The following ZNF766 variants were observed in gnomAD, a reference collection of about 807,000 sequenced individuals.
The protein encoded by ZNF766 is zinc finger protein 766.
ZNF766 carries 13 observed loss-of-function variants against 13.2 expected under a neutral mutation model. That is an observed-to-expected ratio of 0.98 (90% CI 0.64 to 1.56). ZNF766 has a LOEUF of 1.56. Among genes scored for constraint, ZNF766 ranks in the 40% most tolerant of loss-of-function variants. The probability of loss-of-function intolerance (pLI) is 0.00; values close to 1 mark genes in which losing one functional copy is unlikely to be tolerated. For synonymous variants in ZNF766, 178 were observed against 187.6 expected (o/e 0.95, Z 0.42); for missense variants, 521 against 552.2 (o/e 0.94, Z 0.57).
chr19:52,286,260 A>G (rs1425502938), intron 3 of ZNF766, among the ~76,000 whole-genome samples: 2 of 149,280 alleles, frequency 1.3e-5, no homozygotes, highest in Non-Finnish European at 3.0e-5. Context: ...GGCTTTTTAT[A>G]TATGGACTCT....
chr19:52,269,907 C>G (rs1980900131), intron 1 of ZNF766, among the ~76,000 whole-genome samples: 1 of 152,208 alleles, frequency 6.6e-6, no homozygotes, highest in Non-Finnish European at 1.5e-5. Flanking sequence ...ACGTAAAGTC[C>G]CCGCCTGCGA....
At chr19:52,278,091 G>A (rs2122470765) in intron 1 of ZNF766, among the ~76,000 whole-genome samples, 1 of 150,772 alleles carries the variant, frequency 6.6e-6, no homozygotes, top group Non-Finnish European at 1.5e-5. Context: ...TCCCACCTCA[G>A]CCTCTTGAGT....
intron 1 of ZNF766, among the ~76,000 whole-genome samples, chr19:52,274,009 C>T (rs1360320521): frequency 2.0e-5 from 3 of 152,200 alleles, no homozygotes; most frequent in Non-Finnish European, 4.4e-5. Context: ...GTTCCAGTTA[C>T]TCATGGTCAA....
chr19:52,290,038 A>C (rs1208707888), intron 3 of ZNF766, 28 bp from the exon 4 acceptor site: 1 of 1,562,382 alleles, frequency 6.4e-7, no homozygotes, highest in East Asian at 2.2e-5. Flanking sequence ...CCATGGGTTC[A>C]AATTATACTC....
rs867661123 is a variant in ZNF766 at position 52,295,095 on chromosome 19, G to T, written c.*3897G>T. 1 of 150,968 alleles carries T rather than the reference G, an allele frequency of 6.6e-6. No homozygotes were observed. The highest frequency in any genetic ancestry group is 2.1e-4 in the South Asian group (1 of 4,798). 9.4% of individuals were successfully genotyped at this position (150,968 alleles called of 1,614,324 possible). On this transcript the variant is annotated 3_prime_UTR_variant, in exon 4 of 4. Coordinates refer to ENST00000439461, the MANE Select transcript of ZNF766 (RefSeq NM_001010851.3). ...TTCAACTCTAATAAAATTATATTTT[G>T]TGTTTATATATGCACGTATAGACAC...
At chr19:52,279,232 T>C (rs1981362610) in intron 1 of ZNF766, among the ~76,000 whole-genome samples, 1 of 152,240 alleles carries the variant, frequency 6.6e-6, no homozygotes, top group Non-Finnish European at 1.5e-5. Context: ...CATTGGTCTT[T>C]GTGCCTGTTT....
intron 3 of ZNF766, chr19:52,285,052 C>T (rs1057385515): frequency 2.0e-5 from 3 of 152,048 alleles, no homozygotes; most frequent in African/African-American, 7.2e-5. Context: ...CTAACCATGG[C>T]CTGGTCTTTC....
At chr19:52,271,742 T>G (rs2122457506) in intron 1 of ZNF766, among the ~76,000 whole-genome samples, 1 of 152,276 alleles carries the variant, frequency 6.6e-6, no homozygotes, top group East Asian at 1.9e-4. Flanking sequence ...GGTGGATCAC[T>G]TATGGCCAGG....
At chr19:52,271,678 G>C (rs898746306) in intron 1 of ZNF766, among the ~76,000 whole-genome samples, 1 of 152,198 alleles carries the variant, frequency 6.6e-6, no homozygotes, top group African/African-American at 2.4e-5. Context: ...CAGACACACT[G>C]GCTGGGTGCG....
chr19:52,279,977 G>T (rs1981413054), intron 1 of ZNF766, among the ~76,000 whole-genome samples: 1 of 151,616 alleles, frequency 6.6e-6, no homozygotes, highest in Non-Finnish European at 1.5e-5. Context: ...TGCATTTTTA[G>T]CAGAGACGGG....
chr19:52,283,236 G>A (rs1350712254), intron 2 of ZNF766, 49 bp from the exon 3 acceptor site: 2 of 1,578,176 alleles, frequency 1.3e-6, no homozygotes, highest in South Asian at 2.3e-5. Flanking sequence ...CAGAGGGCTT[G>A]GATTTTGGAG....
At chr19:52,276,329 T>G (rs1485074039) in intron 1 of ZNF766, among the ~76,000 whole-genome samples, 2 of 152,226 alleles carry the variant, frequency 1.3e-5, no homozygotes, top group East Asian at 3.8e-4. Flanking sequence ...CTTGTTATAC[T>G]GGGTTGTTTT....
chr19:52,282,735 A>G (rs1339498727), intron 2 of ZNF766, among the ~76,000 whole-genome samples: 1 of 152,154 alleles, frequency 6.6e-6, no homozygotes, highest in Non-Finnish European at 1.5e-5. Context: ...ATCCTTCATG[A>G]TACACCTTTG....
At position 52,269,618 on chromosome 19, in the gene ZNF766, C is replaced by T. The variant is rs774939513; in HGVS notation, c.5C>T (p.Ala2Val). ...GGAAGTGGATGGCGTGGAGATATGG[C>T]GCAACTGCGGCGCGTGAGTTTTCCT... Reference protein sequence around the residue: MAQLRRGHLTFR... With the variant: MVQLRRGHLTFR... Residue 2 changes from alanine (A) to valine (V), a missense_variant, in exon 1 of 4, where the codon GCG (alanine) becomes GTG (valine). Coordinates refer to ENST00000439461, the MANE Select transcript of ZNF766 (RefSeq NM_001010851.3). 7 of 1,612,568 alleles carry T rather than the reference C, an allele frequency of 4.3e-6. No homozygotes were observed. Among genetic ancestry groups the T allele is most frequent in the South Asian group, 1.1e-5 (1 of 91,022 alleles).
Position 52,292,389 on chromosome 19 carries a change from T to C in ZNF766, c.*1191T>C, listed in dbSNP as rs1362254489. 1.9e-6 allele frequency: 1 copy of C among 538,972 alleles called. No individual in the cohort carries two copies. Among genetic ancestry groups the C allele is most frequent in the Non-Finnish European group, 3.3e-6 (1 of 304,282 alleles). 33.4% of individuals were successfully genotyped at this position (538,972 alleles called of 1,614,324 possible). ...GCACAGTGCTGCTGTGCTCTACAAA[T>C]GACCATGAAATAGAGCACGCCATGA... On this transcript the variant is annotated 3_prime_UTR_variant, in exon 4 of 4. Transcript: ENST00000439461.
In ZNF766 at chr19:52,293,173, C is replaced by CTTTTTTTTTTTTTTTTT. The variant is rs71180433; in HGVS notation, c.*1977_*1993dup. ...TCCTTTTTATGGCTGCATAGTATTCCTTTTTTTTTTTTTTTTTTGAGATGA... is the reference window on the plus strand; with the variant it reads ...TCCTTTTTATGGCTGCATAGTATTCCTTTTTTTTTTTTTTTTTTTTTTTTTTTTTTTTTTTGAGATGA... On this transcript the variant is annotated 3_prime_UTR_variant, in exon 4 of 4. Coordinates refer to ENST00000439461, the MANE Select transcript of ZNF766 (RefSeq NM_001010851.3). 7.7e-6 allele frequency: 1 copy of CTTTTTTTTTTTTTTTTT among 130,360 alleles called. No individual in the cohort carries two copies. The allele number at this position is 130,360 out of a possible 1,614,324, so 8.1% of individuals were successfully genotyped here.
chr19:52,283,251 C>T (rs1981623678), intron 2 of ZNF766, 34 bp from the exon 3 acceptor site: 1 of 1,604,762 alleles, frequency 6.2e-7, no homozygotes, highest in Non-Finnish European at 8.5e-7. Flanking sequence ...TTGGAGACAT[C>T]ACAGCACATC....
In ZNF766 at chr19:52,290,095, G is replaced by C. The variant is rs1372703443; in HGVS notation, c.304G>C (p.Gly102Arg). The change falls in exon 4 of 4, where the codon GGA (glycine) becomes CGA (arginine). Residue 102 changes from glycine (G) to arginine (R), a missense_variant. Gly to Arg is a moderately radical substitution (Grantham distance 125, BLOSUM62 -2). Coordinates refer to ENST00000439461, the MANE Select transcript of ZNF766 (RefSeq NM_001010851.3). The stretch of plus-strand genomic sequence containing the variant: ...GAGCTGTGCAGTGAGAAGCAAAGCA[G>C]GAAACAAGCCTATTACAAATCAACT... The part of the protein sequence containing the change: ...GRSCAVRSKA[G>R]NKPITNQLGL... The C allele has an allele frequency of 6.2e-7, 1 of 1,612,666 alleles. No homozygotes were observed. Among genetic ancestry groups the C allele is most frequent in the East Asian group, 2.2e-5 (1 of 44,888 alleles).
In ZNF766 at chr19:52,291,905, C is replaced by T. The variant is rs77506493; in HGVS notation, c.*707C>T. 62,135 of 482,986 alleles carry T rather than the reference C, an allele frequency of 0.13. 4,410 individuals are homozygous for T. Among genetic ancestry groups the T allele is most frequent in the East Asian group, 0.23 (6,702 of 29,708 alleles). The allele number at this position is 482,986 out of a possible 1,614,324, so 29.9% of individuals were successfully genotyped here. On this transcript the variant is annotated 3_prime_UTR_variant, in exon 4 of 4. Coordinates refer to ENST00000439461, the MANE Select transcript of ZNF766 (RefSeq NM_001010851.3). ...GTATGGGCAACGTAGCAAGGCCCAT[C>T]CCTACAAAATAAAAAAAATAAGCCA...
Sources: allele counts gnomAD v4.1 joint callset (sites outside exome capture counted in the v4.1 genomes callset), GRCh38; gene constraint gnomAD v4.1.1; transcripts MANE v1.5; gene names NCBI Gene and HGNC (gene_info 2026-07-23, HGNC 2026-07-21).